MTFR1: variants seen among roughly 807,000 people sequenced by gnomAD.
MTFR1 encodes the protein mitochondrial fission regulator 1.
In MTFR1, 28 loss-of-function variants were observed where a neutral mutation model predicts 38.8. The observed-to-expected ratio is 0.72, with a 90% CI of 0.53 to 0.99. The LOEUF is 0.99. Ranked by LOEUF, MTFR1 falls within the 50% of genes least tolerant of loss-of-function variation. MTFR1 has a pLI of 0.00. For synonymous variants in MTFR1, 145 were observed against 137.0 expected, an observed-to-expected ratio of 1.06 and a Z score of -0.41; for missense variants, 358 against 395.5, an observed-to-expected ratio of 0.91 and a Z score of 0.81.
intron 3 of MTFR1, among the ~76,000 whole-genome samples, chr8:65,769,753 G>A (rs547795890): frequency 1.1e-4 from 16 of 152,158 alleles, no homozygotes; most frequent in African/African-American, 3.6e-4. Context: ...AATATTAGCC[G>A]GGCATGGTAG....
rs545077039 is a variant in MTFR1, at chr8:65,646,018, T to G, written c.-81+1234T>G. Among the ~76,000 whole-genome samples the G allele has an allele frequency of 9.8e-4, 149 of 152,328 alleles. No homozygotes were observed. In the Middle Eastern group the frequency reaches 0.027, roughly 28 times the overall value. The stretch of plus-strand genomic sequence containing the variant: ...TTTGTACTACCAGAATTTAGGTAAC[T>G]GCTACAGTGCAGTTTCATTATCTTG... On this transcript the variant is annotated intron_variant, in intron 1 of 7. Coordinates refer to ENST00000262146, the MANE Select transcript of MTFR1 (RefSeq NM_014637.4).
chr8:65,777,326 G>A, the MTFR1 span, among the ~76,000 whole-genome samples: 6 of 152,014 alleles, frequency 3.9e-5, no homozygotes, highest in East Asian at 3.9e-4. Context: ...TGATCCGCCC[G>A]CCTCAGCCTC....
At chr8:65,689,888 G>A (rs779735327) in intron 3 of MTFR1, among the ~76,000 whole-genome samples, 1 of 152,034 alleles carries the variant, frequency 6.6e-6, no homozygotes, top group Non-Finnish European at 1.5e-5. Context: ...TTGTTTTGTG[G>A]GACAGGATTT....
chr8:65,645,630 A>G (rs1183870890), intron 1 of MTFR1, among the ~76,000 whole-genome samples: 1 of 141,596 alleles, frequency 7.1e-6, no homozygotes, highest in Non-Finnish European at 1.5e-5. Flanking sequence ...GGCCCCAGCG[A>G]TCCTCACGCC....
chr8:65,733,874 C>G (rs1347865650), intron 3 of MTFR1, among the ~76,000 whole-genome samples: 1 of 152,128 alleles, frequency 6.6e-6, no homozygotes, highest in African/African-American at 2.4e-5. Context: ...CCGCCTAACA[C>G]CTTAGCCAGA....
intron 3 of MTFR1, among the ~76,000 whole-genome samples, chr8:65,770,121 CTG>C (rs10608556): frequency 0.1 from 14,805 of 146,274 alleles, 788 homozygotes; most frequent in Middle Eastern, 0.14. Flanking sequence ...CAGTATACTT[CTG>C]TGTGTGTGTG....
intron 3 of MTFR1, among the ~76,000 whole-genome samples, chr8:65,749,635 C>A (rs570803601): frequency 6.6e-6 from 1 of 152,268 alleles, no homozygotes; most frequent in East Asian, 1.9e-4. Context: ...TAAAAAGAAT[C>A]TCATTTAGCC....
At chr8:65,729,776 C>G (rs1298370096) in intron 3 of MTFR1, among the ~76,000 whole-genome samples, 5 of 151,496 alleles carry the variant, frequency 3.3e-5, no homozygotes, top group Non-Finnish European at 7.4e-5. Flanking sequence ...ACCATGTTGG[C>G]CAGGCTGGTC....
intron 3 of MTFR1, among the ~76,000 whole-genome samples, chr8:65,683,119 T>C (rs968645312): frequency 1.3e-5 from 2 of 151,030 alleles, no homozygotes; most frequent in Admixed American, 1.3e-4. Context: ...TTTGTACTTT[T>C]GTTTCTTTCT....
intron 2 of MTFR1, among the ~76,000 whole-genome samples, chr8:65,716,509 T>C (rs138915653): frequency 2.1e-4 from 32 of 152,040 alleles, no homozygotes; most frequent in East Asian, 7.7e-4. Context: ...TCCACAAACA[T>C]GAATATCACA....
At chr8:65,701,795 T>C (rs1805617426) in intron 4 of MTFR1, among the ~76,000 whole-genome samples, 1 of 151,926 alleles carries the variant, frequency 6.6e-6, no homozygotes, top group African/African-American at 2.4e-5. Context: ...GGTGACAGAG[T>C]AGCAAGAGTC....
intron 3 of MTFR1, among the ~76,000 whole-genome samples, chr8:65,730,769 A>G (rs1806851646): frequency 6.6e-6 from 1 of 152,016 alleles, no homozygotes; most frequent in South Asian, 2.1e-4. Context: ...CTCTACTAAA[A>G]ACACAAAAAT....
intron 3 of MTFR1, among the ~76,000 whole-genome samples, chr8:65,762,991 A>ATGTGTGTGTGTG (rs34371328): frequency 7.2e-6 from 1 of 138,514 alleles, no homozygotes; most frequent in South Asian, 2.4e-4. Flanking sequence ...TATAAAAACA[A>ATGTGTGTGTGTG]TGTGTGTGTG....
chr8:65,645,433 CTG>C (rs1808927559), intron 1 of MTFR1, among the ~76,000 whole-genome samples: 1 of 152,234 alleles, frequency 6.6e-6, no homozygotes, highest in Non-Finnish European at 1.5e-5. Context: ...AATCTTCAAA[CTG>C]TGGAGAAATT....
intron 1 of MTFR1, among the ~76,000 whole-genome samples, chr8:65,654,256 T>A (rs775257848): frequency 1.2e-4 from 19 of 152,156 alleles, no homozygotes; most frequent in Non-Finnish European, 1.9e-4. Flanking sequence ...CACCACTGTT[T>A]CTGTTACTTT....
intron 1 of MTFR1, among the ~76,000 whole-genome samples, chr8:65,663,155 C>A (rs1030436766): frequency 6.6e-6 from 1 of 152,168 alleles, no homozygotes. Flanking sequence ...AAGAGGTAGA[C>A]ATGGGAGACT....
chr8:65,645,981 G>A (rs1248334797), intron 1 of MTFR1, among the ~76,000 whole-genome samples: 1 of 152,148 alleles, frequency 6.6e-6, no homozygotes, highest in African/African-American at 2.4e-5. Flanking sequence ...AGTGTAGACA[G>A]TGCTCATTTA....
chr8:65,678,588 C>CCTTATTCCTTATAA (rs1804782820), intron 2 of MTFR1, among the ~76,000 whole-genome samples: 1 of 152,034 alleles, frequency 6.6e-6, no homozygotes, highest in East Asian at 1.9e-4. Context: ...CCTAAATAAT[C>CCTTATTCCTTATAA]TACTTATTCC....
intron 1 of MTFR1, among the ~76,000 whole-genome samples, chr8:65,655,044 A>G (rs1809218608): frequency 1.3e-5 from 2 of 152,206 alleles, no homozygotes; most frequent in Admixed American, 1.3e-4. Flanking sequence ...CCAGCCCAGG[A>G]TCACTTAAGA....
Sources: allele counts gnomAD v4.1 joint callset (sites outside exome capture counted in the v4.1 genomes callset), GRCh38; gene constraint gnomAD v4.1.1; transcripts MANE v1.5; gene names NCBI Gene and HGNC (gene_info 2026-07-23, HGNC 2026-07-21).